DRC2: variants seen among roughly 807,000 people sequenced by gnomAD.
DRC2 encodes coiled-coil domain containing 65.
the DRC2 span, among the ~76,000 whole-genome samples, chr12:48,919,201 C>T: frequency 6.6e-6 from 1 of 150,872 alleles, no homozygotes; most frequent in South Asian, 2.1e-4. Context: ...GCGTGAGCCA[C>T]CCTGGTGAGC....
At chr12:48,912,436 T>TAAAAAAAAAAAAAAAAAAA in the DRC2 span, among the ~76,000 whole-genome samples, 1 of 2,050 alleles carries the variant, frequency 4.9e-4, no homozygotes, top group Admixed American at 7.1e-3. Flanking sequence ...AGACGCCGTC[T>TAAAAAAAAAAAAAAAAAAA]CAAAAAAAAA....
the DRC2 span, chr12:48,917,251 G>A: frequency 1.2e-6 from 1 of 856,944 alleles, no homozygotes; most frequent in East Asian, 2.9e-5. Context: ...GGGAGTTCAA[G>A]ACTAGCCTGG....
the DRC2 span, chr12:48,921,517 A>ATTT: frequency 5.4e-4 from 746 of 1,387,320 alleles, no homozygotes; most frequent in Non-Finnish European, 6.0e-4. Flanking sequence ...ACTCCTAGAG[A>ATTT]TTTTTTTTTT....
the DRC2 span, among the ~76,000 whole-genome samples, chr12:48,920,245 C>A: frequency 1.5e-4 from 22 of 149,236 alleles, no homozygotes; most frequent in African/African-American, 5.2e-4. Flanking sequence ...AGTTCGAGAC[C>A]AGCCTGACCA....
the DRC2 span, among the ~76,000 whole-genome samples, chr12:48,916,224 G>C: frequency 6.6e-6 from 1 of 152,052 alleles, no homozygotes. Flanking sequence ...CTGCAATCTC[G>C]GCACTTCGGG....
chr12:48,918,550 G>A, the DRC2 span: 2 of 1,521,344 alleles, frequency 1.3e-6, no homozygotes, highest in Non-Finnish European at 1.8e-6. Flanking sequence ...TGTTTCCCCT[G>A]GGCCTCATCA....
the DRC2 span, chr12:48,918,239 A>G: frequency 6.2e-7 from 1 of 1,603,358 alleles, no homozygotes; most frequent in Non-Finnish European, 8.5e-7. Flanking sequence ...TAATAAGGTA[A>G]TTCCAAACAT....
At chr12:48,915,304 G>A in the DRC2 span, among the ~76,000 whole-genome samples, 1 of 148,600 alleles carries the variant, frequency 6.7e-6, no homozygotes, top group Non-Finnish European at 1.5e-5. Flanking sequence ...TTAGGGAGTG[G>A]TGATGACTCT....
the DRC2 span, chr12:48,917,052 T>G: frequency 6.8e-6 from 11 of 1,614,014 alleles, no homozygotes; most frequent in Non-Finnish European, 9.3e-6. Context: ...CTATATAGAT[T>G]CTGAGTATGA....
chr12:48,914,688 T>A, the DRC2 span: 1 of 951,688 alleles, frequency 1.1e-6, no homozygotes, highest in Non-Finnish European at 1.5e-6. Flanking sequence ...ACATTGATTA[T>A]CACGGGACCC....
the DRC2 span, chr12:48,920,897 TC>T: frequency 1.3e-6 from 2 of 1,581,922 alleles, no homozygotes; most frequent in South Asian, 2.3e-5. Context: ...TCACTCCCTT[TC>T]CTAATATAAA....
At chr12:48,911,327 A>T in the DRC2 span, among the ~76,000 whole-genome samples, 1 of 152,136 alleles carries the variant, frequency 6.6e-6, no homozygotes, top group African/African-American at 2.4e-5. Flanking sequence ...TGGGAGGCTG[A>T]GGCGGCAGAT....
chr12:48,911,075 T>C, the DRC2 span, among the ~76,000 whole-genome samples: 1 of 152,220 alleles, frequency 6.6e-6, no homozygotes, highest in Non-Finnish European at 1.5e-5. Flanking sequence ...TAGTATTCTG[T>C]ATTGCAGTTT....
chr12:48,904,442 G>A, the DRC2 span: 1 of 1,614,012 alleles, frequency 6.2e-7, no homozygotes, highest in African/African-American at 1.3e-5. Flanking sequence ...CAAAAAGAAG[G>A]AGAGGCTCCT....
At chr12:48,913,259 T>C in the DRC2 span, among the ~76,000 whole-genome samples, 4 of 152,010 alleles carry the variant, frequency 2.6e-5, no homozygotes, top group Non-Finnish European at 5.9e-5. Flanking sequence ...CAAATGTTAG[T>C]CATCCACAGG....
At chr12:48,916,989 C>T in the DRC2 span, 9 of 1,613,838 alleles carry the variant, frequency 5.6e-6, no homozygotes, top group East Asian at 6.7e-5. Context: ...TATTGACCAA[C>T]ATGAGAAAGA....
At chr12:48,915,848 CAGCTGCCGGGCGGAG>C in the DRC2 span, among the ~76,000 whole-genome samples, 9 of 150,950 alleles carry the variant, frequency 6.0e-5, no homozygotes, top group East Asian at 3.9e-4. Context: ...TCAGACGGGG[CAGCTGCCGGGCGGAG>C]GGTCTCCTCA....
the DRC2 span, chr12:48,904,912 G>C: frequency 6.5e-7 from 1 of 1,540,440 alleles, no homozygotes; most frequent in Non-Finnish European, 8.8e-7. Flanking sequence ...GAAAGGCCCT[G>C]ACTTCCTGGA....
At chr12:48,904,212 C>T in the DRC2 span, 1 of 1,348,226 alleles carries the variant, frequency 7.4e-7, no homozygotes, top group East Asian at 2.4e-5. Flanking sequence ...ATCTCCGGTC[C>T]CACAACCGCC....
Sources: gnomAD v4.1 joint callset for allele counts (sites outside exome capture counted in the v4.1 genomes callset) on GRCh38, gnomAD v4.1.1 for gene constraint, MANE v1.5 for transcripts, NCBI Gene and HGNC (gene_info 2026-07-23, HGNC 2026-07-21) for gene names.